SYNCRIP: variants seen among roughly 807,000 people sequenced by gnomAD.
SYNCRIP encodes synaptotagmin binding cytoplasmic RNA interacting protein, also known as heterogeneous nuclear ribonucleoprotein Q.
Under a neutral mutation model 68.9 loss-of-function variants are expected in SYNCRIP, and 9 were observed. That is an observed-to-expected ratio of 0.13 (90% CI 0.08 to 0.23). The LOEUF (loss-of-function observed/expected upper bound fraction) is 0.23, where lower values mean the gene tolerates loss of function less well. SYNCRIP is among the 10% of genes least tolerant of loss of function. The probability of loss-of-function intolerance (pLI) is 1.00; values close to 1 mark genes in which losing one functional copy is unlikely to be tolerated. For missense variants in SYNCRIP, 414 were observed against 770.6 expected (o/e 0.54, Z 5.48); for synonymous variants, 258 against 254.0 (o/e 1.02, Z -0.15).
At chr6:85,633,069 G>A (rs576160351) in intron 6 of SYNCRIP, among the ~76,000 whole-genome samples, 22 of 151,294 alleles carry the variant, frequency 1.5e-4, no homozygotes, top group Non-Finnish European at 2.7e-4. Flanking sequence ...TGGCTAACAC[G>A]GTGAAACCCT....
chr6:85,632,628 T>G (rs1190879283), intron 6 of SYNCRIP, among the ~76,000 whole-genome samples: 1 of 152,054 alleles, frequency 6.6e-6, no homozygotes, highest in East Asian at 1.9e-4. Flanking sequence ...CTACCCACAG[T>G]AAAGCATCCT....
chr6:85,628,141 C>T (rs1807273170), intron 6 of SYNCRIP, among the ~76,000 whole-genome samples: 2 of 152,154 alleles, frequency 1.3e-5, no homozygotes, highest in Non-Finnish European at 2.9e-5. Flanking sequence ...CTGCAACCTC[C>T]ACCTCCCGGT....
chr6:85,612,888 T>C (rs751112753), downstream of SYNCRIP: 7 of 1,550,826 alleles, frequency 4.5e-6, no homozygotes, highest in South Asian at 2.4e-5. Context: ...GTCTTCATTG[T>C]AACAGGTCAG....
At chr6:85,623,802 A>C (rs1806730670) in intron 7 of SYNCRIP, among the ~76,000 whole-genome samples, 175 bp downstream of exon 7, 1 of 152,122 alleles carries the variant, frequency 6.6e-6, no homozygotes. Context: ...TTATTTCCCA[A>C]ATCCCTGAAT....
intron 4 of SYNCRIP, 122 bp downstream of exon 4, chr6:85,640,099 G>A: frequency 1.4e-6 from 1 of 706,272 alleles, no homozygotes; most frequent in Non-Finnish European, 2.4e-6. Context: ...AAAGGAATTA[G>A]GAAAGATTGA....
At chr6:85,618,033 CTCATT>C (rs1252127847) in intron 10 of SYNCRIP, among the ~76,000 whole-genome samples, 5 of 152,092 alleles carry the variant, frequency 3.3e-5, no homozygotes, top group Admixed American at 6.6e-5. Context: ...AATTTTAATA[CTCATT>C]TCATTTTCAA....
intron 7 of SYNCRIP, 114 bp downstream of exon 7, chr6:85,623,863 A>C (rs1806737905): frequency 7.8e-7 from 1 of 1,281,882 alleles, no homozygotes; most frequent in Non-Finnish European, 1.1e-6. Context: ...CAAAAGTTGT[A>C]GTGAGGATTC....
intron 6 of SYNCRIP, among the ~76,000 whole-genome samples, chr6:85,628,623 G>A (rs1427648572): frequency 6.6e-6 from 1 of 152,110 alleles, no homozygotes; most frequent in Non-Finnish European, 1.5e-5. Flanking sequence ...AGAATAAACT[G>A]GAGCTTATTA....
chr6:85,616,721 T>C (rs1805818614), intron 10 of SYNCRIP, among the ~76,000 whole-genome samples: 1 of 152,152 alleles, frequency 6.6e-6, no homozygotes, highest in South Asian at 2.1e-4. Context: ...GTTCACTAGG[T>C]CCTTAGACCT....
At chr6:85,626,133 A>C (rs1362051141) in intron 6 of SYNCRIP, among the ~76,000 whole-genome samples, 1 of 152,258 alleles carries the variant, frequency 6.6e-6, no homozygotes, top group Non-Finnish European at 1.5e-5. Flanking sequence ...TAACAGCAGA[A>C]ACATGTTACC....
intron 10 of SYNCRIP, among the ~76,000 whole-genome samples, chr6:85,618,106 A>G (rs1370435889): frequency 6.6e-6 from 1 of 152,210 alleles, no homozygotes; most frequent in Non-Finnish European, 1.5e-5. Flanking sequence ...TGGTGAAGAA[A>G]CAGTCTATCA....
Position 85,608,925 on chromosome 6 carries a change from T to TA in SYNCRIP, c.*3956dup, listed in dbSNP as rs1274552099. Reference sequence around the variant, plus strand: ...AAAGTCCATCTACTAATTTGCTAGTTAAAAAATGCCTGTGAGCACTGCTTC... The same window carrying TA: ...AAAGTCCATCTACTAATTTGCTAGTTAAAAAAATGCCTGTGAGCACTGCTTC... On this transcript the variant is annotated 3_prime_UTR_variant, in exon 12 of 12. Coordinates refer to the SYNCRIP transcript ENST00000355238. 11 of 152,100 alleles carry TA rather than the reference T, an allele frequency of 7.2e-5. No individual in the cohort carries two copies. The South Asian group carries it at 2.3e-3, about 32-fold the overall frequency. 9.4% of individuals were successfully genotyped at this position (152,100 alleles called of 1,614,324 possible). A position where few individuals can be genotyped will look rare whatever the true frequency, so the allele number is the denominator to read the frequency against.
chr6:85,638,923 T>C (rs1209258117), intron 4 of SYNCRIP, among the ~76,000 whole-genome samples: 8 of 152,154 alleles, frequency 5.3e-5, no homozygotes, highest in Non-Finnish European at 1.5e-5. Context: ...ATTGAAACTG[T>C]AAGCAGCCAG....
At chr6:85,642,202 C>T (rs895394445) in intron 1 of SYNCRIP, among the ~76,000 whole-genome samples, 3 of 152,160 alleles carry the variant, frequency 2.0e-5, no homozygotes, top group African/African-American at 7.2e-5. Context: ...AGGCCACAGG[C>T]TCTCCCCGCC....
downstream of SYNCRIP, chr6:85,613,974 A>C: frequency 1.0e-6 from 1 of 982,776 alleles, no homozygotes; most frequent in Non-Finnish European, 1.2e-6. Context: ...ACCAACTTAA[A>C]CTTACTACAT....
chr6:85,635,774 CAAAAAAAAA>C (rs58599854), intron 6 of SYNCRIP, among the ~76,000 whole-genome samples: 11 of 78,912 alleles, frequency 1.4e-4, no homozygotes, highest in African/African-American at 5.2e-4. Context: ...TTCTATCTCC[CAAAAAAAAA>C]AAAAAAAAAA....
intron 4 of SYNCRIP, among the ~76,000 whole-genome samples, chr6:85,637,614 C>T (rs1044165225): frequency 2.0e-5 from 3 of 152,172 alleles, no homozygotes; most frequent in African/African-American, 7.2e-5. Flanking sequence ...GCTTAATGGA[C>T]AACAAAAAGT....
At position 85,618,913 on chromosome 6, in the gene SYNCRIP, G is replaced by C; in HGVS notation, c.1185C>G (p.Asp395Glu). ...VKAMEEMNGKDLEGENIEIVF... is the reference protein window; with the variant it reads ...VKAMEEMNGKELEGENIEIVF... ...CAATTTCAATATTTTCTCCCTCCAAGTCTTTGCCATTCATTTCTTCCATAG... is the reference window on the plus strand; with the variant it reads ...CAATTTCAATATTTTCTCCCTCCAACTCTTTGCCATTCATTTCTTCCATAG... Residue 395 changes from aspartate to glutamate, a missense_variant, in exon 10 of 11, where the codon GAC becomes GAG. By Grantham distance (45) the Asp-to-Glu change is conservative (BLOSUM62 2). This residue lies in a region of SYNCRIP where 51 missense variants were observed against 151.1 expected (regional missense o/e 0.34). Transcript: ENST00000369622. The C allele has an allele frequency of 1.2e-6, 2 of 1,612,092 alleles. No homozygotes were observed. Among genetic ancestry groups the C allele is most frequent in the Non-Finnish European group, 1.7e-6 (2 of 1,179,134 alleles).
chr6:85,639,640 A>T (rs1808894440), intron 4 of SYNCRIP, among the ~76,000 whole-genome samples: 1 of 152,222 alleles, frequency 6.6e-6, no homozygotes, highest in Non-Finnish European at 1.5e-5. Context: ...TCTATAAATT[A>T]GAAAACTCAC....
Sources: allele counts gnomAD v4.1 joint callset (sites outside exome capture counted in the v4.1 genomes callset), GRCh38; gene constraint gnomAD v4.1.1; regional missense constraint gnomAD v4.1.1; transcripts MANE v1.5; gene names NCBI Gene and HGNC (gene_info 2026-07-23, HGNC 2026-07-21).